The following JMJD1C variants were observed in gnomAD, a reference collection of about 807,000 sequenced individuals.
JMJD1C encodes jumonji domain containing 1C, also known as jumonji domain-containing protein 1C.
In JMJD1C, 31 loss-of-function variants were observed where a neutral mutation model predicts 245.3. The ratio of observed to expected loss-of-function variants is 0.13; its 90% CI spans 0.09 to 0.17. The LOEUF (loss-of-function observed/expected upper bound fraction) is 0.17, where lower values mean the gene tolerates loss of function less well. Ranked by LOEUF, JMJD1C falls within the 10% of genes least tolerant of loss-of-function variation. JMJD1C has a pLI of 1.00. For synonymous variants in JMJD1C, 1,057 were observed against 1,017.4 expected (o/e 1.04, Z -0.74); for missense variants, 2,691 against 3,000.2 (o/e 0.90, Z 2.41).
intron 1 of JMJD1C, among the ~76,000 whole-genome samples, chr10:63,426,031 CTTCTA>C (rs1312413066): frequency 1.3e-5 from 2 of 151,958 alleles, no homozygotes; most frequent in Non-Finnish European, 2.9e-5. Flanking sequence ...CTATATTGTT[CTTCTA>C]TATTTATTTT....
intron 2 of JMJD1C, among the ~76,000 whole-genome samples, chr10:63,278,977 C>T (rs1179365151): frequency 4.6e-5 from 7 of 152,204 alleles, no homozygotes; most frequent in Non-Finnish European, 8.8e-5. Context: ...TGGCTACGCA[C>T]GGTAGCTCAC....
intron 1 of JMJD1C, among the ~76,000 whole-genome samples, chr10:63,414,018 G>C (rs952702553): frequency 5.7e-5 from 7 of 123,156 alleles, no homozygotes; most frequent in Non-Finnish European, 9.7e-5. Context: ...ACGGAGTCTT[G>C]CACTGTCGAC....
At chr10:63,377,559 AC>A (rs1372170442) in intron 2 of JMJD1C, among the ~76,000 whole-genome samples, 1 of 151,558 alleles carries the variant, frequency 6.6e-6, no homozygotes, top group African/African-American at 2.4e-5. Context: ...ATGTTGAAAA[AC>A]CCTGTCTCTA....
At chr10:63,237,027 C>A (rs1349582257) in intron 3 of JMJD1C, among the ~76,000 whole-genome samples, 2 of 151,948 alleles carry the variant, frequency 1.3e-5, no homozygotes, top group African/African-American at 4.8e-5. Context: ...AGAACAAACA[C>A]TGTTTTTGTT....
rs144133927 is a variant in JMJD1C, at chr10:63,233,647, A to G, written c.448-13664T>C. ...TTTTATCTTGGCTCAAATGATCACA[A>G]ACAGAACCATAAAAACATTCCTTTT... On this transcript the variant is annotated intron_variant, in intron 3 of 25. Coordinates refer to ENST00000399262, the MANE Select transcript of JMJD1C (RefSeq NM_032776.3). 2.7e-3 allele frequency among the ~76,000 whole-genome samples: 409 copies of G among 151,720 alleles called. 6 individuals carry two copies. Among genetic ancestry groups the G allele is most frequent in the African/African-American group, 9.6e-3 (399 of 41,402 alleles).
At chr10:63,390,421 T>C (rs753875114) in intron 1 of JMJD1C, among the ~76,000 whole-genome samples, 31 of 152,164 alleles carry the variant, frequency 2.0e-4, no homozygotes, top group African/African-American at 5.3e-4. Flanking sequence ...CAGGATCAGA[T>C]GGCCCCACTG....
chr10:63,481,910 G>T (rs1953842609), intron 1 of JMJD1C, among the ~76,000 whole-genome samples: 1 of 152,194 alleles, frequency 6.6e-6, no homozygotes, highest in Non-Finnish European at 1.5e-5. Context: ...GCTGCATGGA[G>T]AGGGAGGGAA....
intron 2 of JMJD1C, among the ~76,000 whole-genome samples, chr10:63,271,154 T>C (rs1856250247): frequency 6.6e-6 from 1 of 152,090 alleles, no homozygotes; most frequent in Non-Finnish European, 1.5e-5. Context: ...TTTAAAAAGA[T>C]GTATGTAAAT....
chr10:63,233,573 A>G (rs780540179), intron 3 of JMJD1C, among the ~76,000 whole-genome samples: 43 of 152,176 alleles, frequency 2.8e-4, no homozygotes, highest in Admixed American at 5.9e-4. Flanking sequence ...GAATTAAAAT[A>G]TCCCCCAAAT....
intron 1 of JMJD1C, among the ~76,000 whole-genome samples, chr10:63,474,203 G>C (rs116882276): frequency 4.6e-5 from 7 of 151,962 alleles, no homozygotes; most frequent in African/African-American, 1.7e-4. Flanking sequence ...TCAGTAATTC[G>C]ACTCCTTGGA....
intron 3 of JMJD1C, among the ~76,000 whole-genome samples, chr10:63,238,861 C>A (rs1484575550): frequency 6.6e-6 from 1 of 152,216 alleles, no homozygotes; most frequent in African/African-American, 2.4e-5. Context: ...GTATCAATTA[C>A]TGTGCCAAGG....
intron 1 of JMJD1C, among the ~76,000 whole-genome samples, chr10:63,392,293 TAGG>T (rs1338024888): frequency 6.6e-6 from 1 of 152,050 alleles, no homozygotes; most frequent in African/African-American, 2.4e-5. Flanking sequence ...GAGAACACTT[TAGG>T]ACACAGATTT....
At chr10:63,288,251 T>C (rs1858212962) in intron 2 of JMJD1C, among the ~76,000 whole-genome samples, 1 of 152,234 alleles carries the variant, frequency 6.6e-6, no homozygotes, top group Admixed American at 6.5e-5. Flanking sequence ...TCATATACTA[T>C]GTAGCCTTTT....
chr10:63,393,511 A>G (rs1417160804), intron 1 of JMJD1C, among the ~76,000 whole-genome samples: 1 of 152,130 alleles, frequency 6.6e-6, no homozygotes, highest in Non-Finnish European at 1.5e-5. Context: ...TATAACTACC[A>G]TATGGTTCAT....
chr10:63,205,973 G>A (rs1846558177), intron 10 of JMJD1C, among the ~76,000 whole-genome samples: 1 of 152,098 alleles, frequency 6.6e-6, no homozygotes, highest in African/African-American at 2.4e-5. Context: ...ACAGGAGTGA[G>A]CCACTGTGCC....
intron 2 of JMJD1C, among the ~76,000 whole-genome samples, chr10:63,375,678 G>A (rs951392447): frequency 6.6e-6 from 1 of 151,886 alleles, no homozygotes; most frequent in African/African-American, 2.4e-5. Context: ...AGCCTCTCAA[G>A]TAGCTGAGAC....
At chr10:63,405,831 G>A (rs1489864589) in intron 1 of JMJD1C, among the ~76,000 whole-genome samples, 1 of 152,174 alleles carries the variant, frequency 6.6e-6, no homozygotes, top group East Asian at 1.9e-4. Context: ...CTTACTGTCA[G>A]TGGACTGAAT....
chr10:63,507,417 G>A (rs1327135543), intron 1 of JMJD1C, among the ~76,000 whole-genome samples: 1 of 151,962 alleles, frequency 6.6e-6, no homozygotes, highest in Non-Finnish European at 1.5e-5. Context: ...GCTGAGGCGG[G>A]GGGATCACCG....
chr10:63,385,373 A>T (rs893734006), intron 1 of JMJD1C, among the ~76,000 whole-genome samples: 3 of 147,482 alleles, frequency 2.0e-5, no homozygotes, highest in Non-Finnish European at 4.5e-5. Context: ...CAGACTTAAT[A>T]GATGCAAAGT....
Sources: gnomAD v4.1 joint callset for allele counts (sites outside exome capture counted in the v4.1 genomes callset) on GRCh38, gnomAD v4.1.1 for gene constraint, MANE v1.5 for transcripts, NCBI Gene and HGNC (gene_info 2026-07-23, HGNC 2026-07-21) for gene names.